Variants in ZNF578 observed in about 807,000 individuals in gnomAD.
ZNF578 encodes the protein zinc finger protein 578.
Under a neutral mutation model 8.3 loss-of-function variants are expected in ZNF578, and 8 were observed. That is an observed-to-expected ratio of 0.96 (90% CI 0.56 to 1.74). ZNF578 has a LOEUF of 1.74. Ranked by LOEUF, ZNF578 falls within the 40% of genes most tolerant of loss-of-function variation. The pLI, the probability that ZNF578 is intolerant of heterozygous loss-of-function variation, is 0.00. For synonymous variants in ZNF578, 206 were observed against 232.2 expected, an observed-to-expected ratio of 0.89 and a Z score of 1.03; for missense variants, 726 against 707.5, an observed-to-expected ratio of 1.03 and a Z score of -0.30.
intron 5 of ZNF578, among the ~76,000 whole-genome samples, chr19:52,506,013 T>G (rs2059424448): frequency 6.6e-6 from 1 of 151,930 alleles, no homozygotes; most frequent in South Asian, 2.1e-4. Context: ...TTCTCCTGCC[T>G]CAGCCTCTTG....
rs536195797 is a variant in ZNF578 at position 52,480,845 on chromosome 19, G to A, written c.-121-10479G>A. Among the ~76,000 whole-genome samples, 29 of 151,062 alleles carry A rather than the reference G, an allele frequency of 1.9e-4. No individual in the cohort carries two copies. In the South Asian group the frequency reaches 4.6e-3, roughly 24 times the overall value. ...TGGGAGGCAGAGGTTGCAATGAGCC[G>A]TGATCACGCCACCGCACCCCAGTCT... On this transcript the variant is annotated intron_variant, in intron 2 of 5. Coordinates refer to ENST00000421239, the MANE Select transcript of ZNF578 (RefSeq NM_001099694.2).
chr19:52,508,680 A>C (rs1297282937), intron 5 of ZNF578, among the ~76,000 whole-genome samples: 4 of 151,678 alleles, frequency 2.6e-5, no homozygotes, highest in South Asian at 2.1e-4. Context: ...CTGTAATCCC[A>C]GCTACTGAGG....
chr19:52,499,492 C>T (rs902984345), intron 3 of ZNF578, among the ~76,000 whole-genome samples: 1 of 152,160 alleles, frequency 6.6e-6, no homozygotes, highest in Non-Finnish European at 1.5e-5. Context: ...TTCCTAAATC[C>T]CCAAACACAT....
Position 52,498,684 on chromosome 19 carries a change from C to CT in ZNF578, c.-19-3126dup, listed in dbSNP as rs72019256. Among the ~76,000 whole-genome samples the CT allele has an allele frequency of 8.7e-3, 928 of 106,814 alleles. 27 individuals carry two copies. The highest frequency in any genetic ancestry group is 0.03 in the Middle Eastern group (5 of 166). The allele number at this position is 106,814 out of a possible 152,430, so 70.1% of individuals were successfully genotyped here. ...AGGAATGAGCCACCTCGCCTGGCCG[C>CT]TTTTTTTTTTTTTTTTTGTAAGACA... is the stretch of plus-strand genomic sequence containing the variant. On this transcript the variant is annotated intron_variant, in intron 3 of 5. Coordinates refer to ENST00000421239, the MANE Select transcript of ZNF578 (RefSeq NM_001099694.2).
chr19:52,506,470 T>TC (rs1396203649), intron 5 of ZNF578, among the ~76,000 whole-genome samples: 1 of 111,110 alleles, frequency 9.0e-6, no homozygotes, highest in Non-Finnish European at 1.9e-5. Context: ...TTCTTTTTTT[T>TC]TTTTTTTTTT....
intron 5 of ZNF578, among the ~76,000 whole-genome samples, chr19:52,509,169 T>A (rs1320225363): frequency 6.6e-6 from 1 of 152,082 alleles, no homozygotes; most frequent in African/African-American, 2.4e-5. Context: ...CCCAAGGTGC[T>A]GGGATTACAG....
At chr19:52,508,536 G>A (rs975673846) in intron 5 of ZNF578, among the ~76,000 whole-genome samples, 11 of 151,968 alleles carry the variant, frequency 7.2e-5, no homozygotes, top group African/African-American at 2.7e-4. Context: ...GGTGGCTCTC[G>A]CCTGTAATCC....
At chr19:52,483,119 A>T (rs1469968017) in intron 2 of ZNF578, among the ~76,000 whole-genome samples, 2 of 152,034 alleles carry the variant, frequency 1.3e-5, no homozygotes, top group Non-Finnish European at 2.9e-5. Flanking sequence ...CTCCCTTTAT[A>T]TGAGCAGTAG....
chr19:52,497,357 A>T (rs1006211225), intron 3 of ZNF578, among the ~76,000 whole-genome samples: 1 of 152,066 alleles, frequency 6.6e-6, no homozygotes, highest in African/African-American at 2.4e-5. Flanking sequence ...TGGCCTCCCA[A>T]AGTGCTTGTG....
chr19:52,491,301 G>A (rs2059364264), intron 2 of ZNF578, 23 bp from the exon 3 acceptor site: 3 of 256,364 alleles, frequency 1.2e-5, no homozygotes, highest in African/African-American at 2.3e-5. Flanking sequence ...AATTGGAAAC[G>A]TATTGGTGTT....
At chr19:52,476,895 A>G (rs1342092022) in intron 2 of ZNF578, among the ~76,000 whole-genome samples, 1 of 152,206 alleles carries the variant, frequency 6.6e-6, no homozygotes, top group South Asian at 2.1e-4. Flanking sequence ...AGGTAGGTCT[A>G]TTAGAGTTTA....
rs2059427739 is a variant in ZNF578 at position 52,506,985 on chromosome 19, G to A, written c.190+2204G>A. 2.6e-5 allele frequency among the ~76,000 whole-genome samples: 4 copies of A among 152,162 alleles called. No homozygotes were observed. The South Asian group carries it at 8.3e-4, about 32-fold the overall frequency. ...TAGCTTAGACTGGCCAGCCGCAGTG[G>A]CTTATGCCTCTATTTCCAGCACTTT... is the stretch of plus-strand genomic sequence containing the variant. On this transcript the variant is annotated intron_variant, in intron 5 of 5. Transcript: ENST00000421239.
At chr19:52,501,537 G>A (rs188303062) in intron 3 of ZNF578, among the ~76,000 whole-genome samples, 1 of 152,184 alleles carries the variant, frequency 6.6e-6, no homozygotes, top group South Asian at 2.1e-4. Flanking sequence ...GATGCGGTTT[G>A]ATCAGGGATG....
At chr19:52,490,109 A>G (rs2059360291) in intron 2 of ZNF578, among the ~76,000 whole-genome samples, 1 of 152,156 alleles carries the variant, frequency 6.6e-6, no homozygotes, top group Admixed American at 6.5e-5. Flanking sequence ...GTTTTATACA[A>G]TGTTTTCTGT....
chr19:52,489,936 G>C (rs954310330), intron 2 of ZNF578, among the ~76,000 whole-genome samples: 1 of 152,094 alleles, frequency 6.6e-6, no homozygotes, highest in Non-Finnish European at 1.5e-5. Context: ...GATTACAGGC[G>C]TGAGCCACCA....
chr19:52,470,260 C>G (rs1013393975), intron 2 of ZNF578, among the ~76,000 whole-genome samples: 2 of 152,168 alleles, frequency 1.3e-5, no homozygotes, highest in African/African-American at 4.8e-5. Flanking sequence ...GATCCTCCCC[C>G]ACCACCCTTC....
chr19:52,458,260 T>C (rs2059245360), intron 2 of ZNF578: 1 of 152,414 alleles, frequency 6.6e-6, no homozygotes, highest in African/African-American at 2.4e-5. Flanking sequence ...ATGGAGATTG[T>C]GGTATTCCTG....
At chr19:52,464,425 T>G (rs2059268203) in intron 2 of ZNF578, among the ~76,000 whole-genome samples, 2 of 152,166 alleles carry the variant, frequency 1.3e-5, no homozygotes, top group Non-Finnish European at 2.9e-5. Context: ...ACAATAAATA[T>G]CTCCTAACAA....
intron 3 of ZNF578, among the ~76,000 whole-genome samples, chr19:52,497,411 A>G (rs1473748763): frequency 2.0e-5 from 3 of 152,052 alleles, no homozygotes; most frequent in African/African-American, 7.2e-5. Flanking sequence ...GTAGAGACAT[A>G]GTTTCTCCAT....
Sources: allele counts gnomAD v4.1 joint callset (sites outside exome capture counted in the v4.1 genomes callset), GRCh38; gene constraint gnomAD v4.1.1; transcripts MANE v1.5; gene names NCBI Gene and HGNC (gene_info 2026-07-23, HGNC 2026-07-21).